Variants in SLC6A9 observed in about 807,000 individuals in gnomAD.
SLC6A9 encodes the protein sodium- and chloride-dependent glycine transporter 1.
A neutral mutation model predicts 70.9 loss-of-function variants in SLC6A9; 31 were observed. That is an observed-to-expected ratio of 0.44 (90% confidence interval 0.33 to 0.59). The LOEUF is 0.59. SLC6A9 is among the 20% of genes least tolerant of loss of function. The probability of loss-of-function intolerance (pLI) is 0.04; values close to 1 mark genes in which losing one functional copy is unlikely to be tolerated. For missense variants in SLC6A9, 631 were observed against 845.2 expected (o/e 0.75, Z 3.14); for synonymous variants, 310 against 341.3 (o/e 0.91, Z 1.01).
chr1:44,021,225 C>T (rs1373005562), intron 2 of SLC6A9, among the ~76,000 whole-genome samples: 1 of 152,172 alleles, frequency 6.6e-6, no homozygotes, highest in African/African-American at 2.4e-5. Context: ...CCCACCCACC[C>T]CCTAGTGCCC....
intron 12 of SLC6A9, among the ~76,000 whole-genome samples, 168 bp downstream of exon 12, chr1:44,000,599 C>T (rs895264501): frequency 4.6e-5 from 7 of 152,254 alleles, no homozygotes; most frequent in African/African-American, 7.2e-5. Flanking sequence ...AGTCGCCACA[C>T]GCCTCTCTGA....
Position 43,997,562 on chromosome 1 carries a change from G to A in SLC6A9, c.1885C>T (p.Gln629Ter), listed in dbSNP as rs564615607. ...AGCTGTGCTCATATCCGGGAGTCCT[G>A]GAGGCGGCTGGAGCCATTACTGCCC... ...IVGSNGSSRL[Q>*]DSRI Residue 629 changes from glutamine (Q) to a stop codon, truncating the protein, a stop_gained, in exon 14 of 14, where the codon CAG becomes TAG. Transcript: ENST00000372310. LOFTEE classifies it high-confidence loss of function. This position sits in a 1 kb window ranked among gnomAD's most constrained non-coding sequence, Gnocchi z 4.4. 2 of 1,613,524 alleles carry A rather than the reference G, an allele frequency of 1.2e-6. No homozygotes were observed. The highest frequency in any genetic ancestry group is 2.2e-5 in the East Asian group (1 of 44,860).
chr1:44,005,530 G>T (rs2154305097), intron 5 of SLC6A9, among the ~76,000 whole-genome samples: 1 of 152,246 alleles, frequency 6.6e-6, no homozygotes, highest in South Asian at 2.1e-4. Flanking sequence ...CTGTCCAAAG[G>T]GTCATTGGAG....
chr1:44,030,389 C>T (rs1417877515), intron 1 of SLC6A9: 2 of 152,332 alleles, frequency 1.3e-5, no homozygotes, highest in Admixed American at 6.6e-5. Flanking sequence ...GGCACCGGCC[C>T]CTCCCGGCCC....
chr1:44,008,877 G>A (rs1415817707), intron 4 of SLC6A9, among the ~76,000 whole-genome samples: 1 of 150,168 alleles, frequency 6.7e-6, no homozygotes, highest in African/African-American at 2.5e-5. Context: ...CCACCACCAC[G>A]CCTGGCTAAT....
intron 12 of SLC6A9, 84 bp downstream of exon 12, chr1:44,000,666 GCCAGGTGCGGGAGCTCC>G: frequency 1.3e-6 from 1 of 767,304 alleles, no homozygotes. Flanking sequence ...TGGAGCTCCG[GCCAGGTGCGGGAGCTCC>G]CACTGTCCCT....
At chr1:44,011,753 G>C (rs1221696880) in intron 2 of SLC6A9, 1 of 1,609,528 alleles carries the variant, frequency 6.2e-7, no homozygotes, top group African/African-American at 1.3e-5. Context: ...GGTCAGGAGA[G>C]GCAGATGCGG....
Position 43,997,402 on chromosome 1 carries a change from C to T in SLC6A9, c.*143G>A. ...CTGGGGACATGAGCATGAATGACTG[C>T]ACTAGCAGTGGTGACCAAGGTGACA... On this transcript the variant is annotated 3_prime_UTR_variant, in exon 14 of 14. Transcript: ENST00000372310. The surrounding 1 kb of genome is among the most constrained non-coding windows in gnomAD (Gnocchi z 4.4). The T allele has an allele frequency of 4.2e-6, 3 of 710,764 alleles. No homozygotes were observed. In the South Asian group the frequency reaches 5.0e-5, roughly 12 times the overall value. 44.0% of individuals were successfully genotyped at this position (710,764 alleles called of 1,614,324 possible). A position where few individuals can be genotyped will look rare whatever the true frequency, so the allele number is the denominator to read the frequency against.
chr1:44,002,684 C>T lies in SLC6A9; in HGVS notation c.724-38G>A. The T allele has an allele frequency of 2.5e-6, 4 of 1,612,660 alleles. No individual in the cohort carries two copies. Among genetic ancestry groups the T allele is most frequent in the Non-Finnish European group, 3.4e-6 (4 of 1,178,908 alleles). On this transcript the variant is annotated intron_variant, in intron 6 of 13. Transcript: ENST00000372310. The surrounding 1 kb of genome is among the most constrained non-coding windows in gnomAD (Gnocchi z 5.5). ...GGCTCCATGGACTCTTCTGGGCTCT[C>T]CCCTCCCCTGGGCACCACCACCCTG...
rs1241079860 is a variant in SLC6A9 at position 43,997,863 on chromosome 1, G to T, written c.1699C>A (p.Leu567Ile). 1 of 1,609,198 alleles carries T rather than the reference G, an allele frequency of 6.2e-7. No individual in the cohort carries two copies. Among genetic ancestry groups the T allele is most frequent in the East Asian group, 2.2e-5 (1 of 44,808 alleles). Residue 567 changes from leucine to isoleucine, a missense_variant, in exon 13 of 14, where the codon CTC becomes ATC. Coordinates refer to ENST00000372310, the MANE Select transcript of SLC6A9 (RefSeq NM_001024845.3). This position sits in a 1 kb window ranked among gnomAD's most constrained non-coding sequence, Gnocchi z 4.4. ...CCTGTCCCTGCCCTCACCTGGAGGA[G>T]GGTGTCCCCGTCTGTGCGGCAGAGC... is the stretch of plus-strand genomic sequence containing the variant. The part of the protein sequence containing the change: ...FRLCRTDGDT[L>I]LQRLKNATKP...
chr1:43,997,546 C>T lies in SLC6A9; in HGVS notation c.1901G>A (p.Ter634=). Residue 634 remains the stop codon, a stop_retained_variant, in exon 14 of 14, where the codon TGA becomes TAA. Coordinates refer to ENST00000372310, the MANE Select transcript of SLC6A9 (RefSeq NM_001024845.3). The surrounding 1 kb of genome is among the most constrained non-coding windows in gnomAD (Gnocchi z 4.4). ...GSSRLQDSRI[*] The stretch of plus-strand genomic sequence containing the variant: ...GGGCCACTCCCCTGGCAGCTGTGCT[C>T]ATATCCGGGAGTCCTGGAGGCGGCT... The T allele has an allele frequency of 6.2e-7, 1 of 1,613,144 alleles. No individual in the cohort carries two copies. The highest frequency in any genetic ancestry group is 8.5e-7 in the Non-Finnish European group (1 of 1,179,772).
chr1:44,021,810 C>T (rs1421572950), intron 2 of SLC6A9, among the ~76,000 whole-genome samples: 1 of 152,250 alleles, frequency 6.6e-6, no homozygotes, highest in Non-Finnish European at 1.5e-5. Context: ...AGACGGGGCT[C>T]AGCAGGGACC....
intron 2 of SLC6A9, chr1:44,015,806 C>T (rs1033180134): frequency 1.0e-6 from 1 of 971,650 alleles, no homozygotes; most frequent in African/African-American, 1.8e-5. Flanking sequence ...TCTCTGGCCT[C>T]AGTTACCTGG....
chr1:44,025,495 A>AG (rs935623120), intron 1 of SLC6A9, among the ~76,000 whole-genome samples: 4 of 151,660 alleles, frequency 2.6e-5, no homozygotes, highest in African/African-American at 9.7e-5. Context: ...CCGTCTCAAA[A>AG]AAAAAAAAAA....
intron 12 of SLC6A9, among the ~76,000 whole-genome samples, chr1:43,999,687 G>C (rs955866934): frequency 6.6e-6 from 1 of 152,144 alleles, no homozygotes; most frequent in Non-Finnish European, 1.5e-5. Flanking sequence ...ACAACCTACC[G>C]GGTAGAGGCC....
rs1056876086 is a variant in SLC6A9 at position 44,018,609 on chromosome 1, TAATAATAATAA to T, written c.30+5628_30+5638del. On this transcript the variant is annotated intron_variant, in intron 2 of 13. Coordinates refer to ENST00000372310, the MANE Select transcript of SLC6A9 (RefSeq NM_001024845.3). This position sits in a 1 kb window ranked among gnomAD's most constrained non-coding sequence, Gnocchi z 4.2. ...AACTCTCTCTCTAAAATAATAATAA[TAATAATAATAA>T]TAATAATAATAATAATAAATAAAAA... Among the ~76,000 whole-genome samples, 2 of 144,954 alleles carry T rather than the reference TAATAATAATAA, an allele frequency of 1.4e-5. No individual in the cohort carries two copies. The highest frequency in any genetic ancestry group is 5.1e-5 in the African/African-American group (2 of 39,424).
At chr1:44,003,768 A>G (rs1367268240) in intron 5 of SLC6A9, among the ~76,000 whole-genome samples, 1 of 151,770 alleles carries the variant, frequency 6.6e-6, no homozygotes, top group African/African-American at 2.4e-5. Context: ...AAAAAAAAAA[A>G]AAAAGATTGG....
chr1:44,018,628 AATAATAAT>A lies in SLC6A9; in HGVS notation c.30+5612_30+5619del, dbSNP rs1553164019. Among the ~76,000 whole-genome samples the A allele has an allele frequency of 6.8e-6, 1 of 148,088 alleles. No individual in the cohort carries two copies. The highest frequency in any genetic ancestry group is 2.1e-4 in the South Asian group (1 of 4,750). On this transcript the variant is annotated intron_variant, in intron 2 of 13. Transcript: ENST00000372310. This position sits in a 1 kb window ranked among gnomAD's most constrained non-coding sequence, Gnocchi z 4.2. Reference sequence around the variant, plus strand: ...TAATAATAATAATAATAATAATAATAATAATAATAAATAAAAATAAAAAGACAGGTGGG... The same window carrying A: ...TAATAATAATAATAATAATAATAATAAAATAAAAATAAAAAGACAGGTGGG...
chr1:44,002,874 T>C lies in SLC6A9; in HGVS notation c.702A>G (p.Arg234=). ...SWLVVFLCLI[R]GVKSSGKVVY... is the part of the protein sequence containing the mutation. ...TTGCTTTCCCTGAAGACTTGACCCC[T>C]CGGATGAGGCAGAGGAAGACGACCA... is the stretch of plus-strand genomic sequence containing the variant. Residue 234 remains arginine (R), a synonymous_variant, in exon 6 of 14, where the codon CGA becomes CGG. Transcript: ENST00000372310. The surrounding 1 kb of genome is among the most constrained non-coding windows in gnomAD (Gnocchi z 5.5). 6.2e-7 allele frequency: 1 copy of C among 1,613,788 alleles called. No individual in the cohort carries two copies. The highest frequency in any genetic ancestry group is 8.5e-7 in the Non-Finnish European group (1 of 1,179,932).
Sources: allele counts gnomAD v4.1 joint callset (sites outside exome capture counted in the v4.1 genomes callset), GRCh38; gene constraint gnomAD v4.1.1; non-coding constraint Gnocchi (gnomAD v3.1); transcripts MANE v1.5; gene names NCBI Gene and HGNC (gene_info 2026-07-23, HGNC 2026-07-21).